The following CACNA1A variants were observed in gnomAD, a reference collection of about 807,000 sequenced individuals.
CACNA1A encodes the protein voltage-dependent P/Q-type calcium channel subunit alpha-1A.
A neutral mutation model predicts 262.4 loss-of-function variants in CACNA1A; 57 were observed. The ratio of observed to expected loss-of-function variants is 0.22; its 90% CI spans 0.18 to 0.27. The LOEUF (loss-of-function observed/expected upper bound fraction) is 0.27. Ranked by LOEUF, CACNA1A falls within the 10% of genes least tolerant of loss-of-function variation. CACNA1A has a pLI of 1.00. For missense variants in CACNA1A, 2,526 were observed against 3,562.8 expected (o/e 0.71, Z 7.41); for synonymous variants, 1,431 against 1,419.3 (o/e 1.01, Z -0.18).
chr19:13,249,366 T>C (rs2056334056), intron 30 of CACNA1A, among the ~76,000 whole-genome samples: 1 of 152,102 alleles, frequency 6.6e-6, no homozygotes, highest in Admixed American at 6.6e-5. Context: ...CATTTATTTA[T>C]TTATTTTGAT....
intron 34 of CACNA1A, among the ~76,000 whole-genome samples, chr19:13,234,142 G>A (rs2055777247): frequency 6.6e-6 from 1 of 150,966 alleles, no homozygotes; most frequent in Non-Finnish European, 1.5e-5. Context: ...GAGGTCAGGA[G>A]ATCGAGACCA....
chr19:13,377,941 A>G (rs955450698), intron 3 of CACNA1A, among the ~76,000 whole-genome samples: 1 of 152,130 alleles, frequency 6.6e-6, no homozygotes, highest in Admixed American at 6.5e-5. Flanking sequence ...CAGTCTGGGC[A>G]ACATAGTGAG....
At chr19:13,420,898 A>G (rs1394427964) in intron 3 of CACNA1A, among the ~76,000 whole-genome samples, 1 of 152,116 alleles carries the variant, frequency 6.6e-6, no homozygotes, top group African/African-American at 2.4e-5. Context: ...CCACTCCCCC[A>G]TCCCCCACCA....
intron 6 of CACNA1A, among the ~76,000 whole-genome samples, chr19:13,356,383 G>A (rs1420051366): frequency 1.3e-5 from 2 of 152,154 alleles, no homozygotes; most frequent in African/African-American, 2.4e-5. Flanking sequence ...GCACCTTGCC[G>A]AAGGCTGCAC....
At chr19:13,502,201 C>G (rs780910821) in intron 1 of CACNA1A, among the ~76,000 whole-genome samples, 15 of 150,536 alleles carry the variant, frequency 1.0e-4, no homozygotes, top group Non-Finnish European at 8.8e-5. Context: ...GCCAATCAGC[C>G]AATGTCCACA....
intron 27 of CACNA1A, 135 bp downstream of exon 27, chr19:13,259,429 C>T: frequency 3.1e-6 from 2 of 637,726 alleles, no homozygotes; most frequent in South Asian, 2.3e-5. Context: ...GCCTTGGCCT[C>T]CTAAAGTGTT....
At chr19:13,249,490 G>C (rs1464737746) in intron 30 of CACNA1A, among the ~76,000 whole-genome samples, 1 of 152,052 alleles carries the variant, frequency 6.6e-6, no homozygotes, top group Non-Finnish European at 1.5e-5. Flanking sequence ...TAAGTAGATG[G>C]GACTGCAGGT....
Position 13,209,457 on chromosome 19 carries a change from C to T in CACNA1A, c.6381G>A (p.Val2127=). 1 of 1,365,852 alleles carries T rather than the reference C, an allele frequency of 7.3e-7. No homozygotes were observed. Among genetic ancestry groups the T allele is most frequent in the African/African-American group, 1.5e-5 (1 of 67,030 alleles). 84.6% of individuals were successfully genotyped at this position (1,365,852 alleles called of 1,614,324 possible). Residue 2127 remains valine (V), a synonymous_variant, in exon 45 of 47, where the codon GTG becomes GTA. Transcript: ENST00000360228. ...CCAGGCGTCGGGCCTTGGGGCCCAG[C>T]ACGGAGGCTGAACGCTTCATGGGGC... is the stretch of plus-strand genomic sequence containing the variant. ...DTSPMKRSAS[V]LGPKARRLDD...
intron 24 of CACNA1A, chr19:13,271,586 A>C (rs766729991): frequency 6.6e-6 from 1 of 152,146 alleles, no homozygotes; most frequent in Non-Finnish European, 1.5e-5. Flanking sequence ...AGCTTTGTTT[A>C]AAAGAGGAGG....
Position 13,212,356 on chromosome 19 carries a change from C to G in CACNA1A, c.6189+28G>C, listed in dbSNP as rs375925559. ...ACCTGAACCACCCGGGCCCTGGGAGCCATTGGGGAGTTGGGGGACAGAGGC... is the reference window on the plus strand; with the variant it reads ...ACCTGAACCACCCGGGCCCTGGGAGGCATTGGGGAGTTGGGGGACAGAGGC... On this transcript the variant is annotated intron_variant, in intron 42 of 46. Transcript: ENST00000360228. The surrounding 1 kb of genome is among the most constrained non-coding windows in gnomAD (Gnocchi z 5.6). The G allele has an allele frequency of 3.1e-5, 50 of 1,613,054 alleles. No individual in the cohort carries two copies. In the East Asian group the frequency reaches 6.2e-4, roughly 20 times the overall value.
intron 3 of CACNA1A, among the ~76,000 whole-genome samples, chr19:13,395,075 A>C (rs1444535114): frequency 6.6e-6 from 1 of 151,594 alleles, no homozygotes; most frequent in Non-Finnish European, 1.5e-5. Flanking sequence ...GGAGTTTAAG[A>C]CCAGCCTGGC....
chr19:13,400,578 G>T (rs1367897822), intron 3 of CACNA1A, among the ~76,000 whole-genome samples: 3 of 152,062 alleles, frequency 2.0e-5, no homozygotes, highest in Non-Finnish European at 4.4e-5. Flanking sequence ...GTTTGCCTTG[G>T]ACTTGTGCTA....
At chr19:13,439,406 C>CT (rs34228712) in intron 3 of CACNA1A, among the ~76,000 whole-genome samples, 1,429 of 127,312 alleles carry the variant, frequency 0.011, 25 homozygotes, top group Middle Eastern at 0.05. Flanking sequence ...CTTCTTTTTT[C>CT]TTTTTTTTTT....
chr19:13,481,541 C>T (rs1300269220), intron 1 of CACNA1A, among the ~76,000 whole-genome samples: 1 of 122,240 alleles, frequency 8.2e-6, no homozygotes, highest in African/African-American at 3.1e-5. Context: ...GTGGGTGGGG[C>T]GGGGAGGGGA....
intron 22 of CACNA1A, chr19:13,277,874 G>A (rs2057187842): frequency 6.6e-6 from 1 of 152,284 alleles, no homozygotes; most frequent in Non-Finnish European, 1.5e-5. Flanking sequence ...GATCACTTGA[G>A]GTCAGGAGTT....
rs1046947962 is a variant in CACNA1A at position 13,298,963 on chromosome 19, C to G, written c.2670G>C (p.Glu890Asp). 1 of 1,586,960 alleles carries G rather than the reference C, an allele frequency of 6.3e-7. No individual in the cohort carries two copies. The highest frequency in any genetic ancestry group is 8.5e-7 in the Non-Finnish European group (1 of 1,174,096). Residue 890 changes from glutamate to aspartate, a missense_variant, in exon 19 of 47, where the codon GAG (glutamate) becomes GAC (aspartate). This residue lies in a region of CACNA1A where 765 missense variants were observed against 748.6 expected (regional missense o/e 1.02). Coordinates refer to ENST00000360228, the MANE Select transcript of CACNA1A (RefSeq NM_001127222.2). ...RRPWAGSQEA[E>D]LSREGPYGRE... ...GGCCGTAGGGTCCCTCCCGGCTCAG[C>G]TCGGCCTCCTGGCTTCCCGCCCAGG...
chr19:13,409,357 G>A (rs1049052543), intron 3 of CACNA1A, among the ~76,000 whole-genome samples: 4 of 151,506 alleles, frequency 2.6e-5, no homozygotes, highest in African/African-American at 9.7e-5. Context: ...CATGTGAAAT[G>A]GTTGATCCTT....
chr19:13,397,105 G>T (rs1474276139), intron 3 of CACNA1A, among the ~76,000 whole-genome samples: 2 of 152,082 alleles, frequency 1.3e-5, no homozygotes, highest in East Asian at 3.9e-4. Flanking sequence ...TCTTTTTCCT[G>T]TTAGGACCCT....
intron 23 of CACNA1A, among the ~76,000 whole-genome samples, chr19:13,276,515 G>A (rs1453764155): frequency 6.6e-6 from 1 of 151,994 alleles, no homozygotes; most frequent in Non-Finnish European, 1.5e-5. Flanking sequence ...CCGGCACAAG[G>A]TGCCCCCTCA....
Sources: allele counts gnomAD v4.1 joint callset (sites outside exome capture counted in the v4.1 genomes callset), GRCh38; gene constraint gnomAD v4.1.1; regional missense constraint gnomAD v4.1.1; non-coding constraint Gnocchi (gnomAD v3.1); transcripts MANE v1.5; gene names NCBI Gene and HGNC (gene_info 2026-07-23, HGNC 2026-07-21).